UIMC1: variants seen among roughly 807,000 people sequenced by gnomAD.
The protein encoded by UIMC1 is BRCA1-A complex subunit RAP80.
UIMC1 carries 42 observed loss-of-function variants against 84.9 expected under a neutral mutation model. The ratio of observed to expected loss-of-function variants is 0.49; its 90% CI spans 0.39 to 0.64. The LOEUF is 0.64. Ranked by LOEUF, UIMC1 falls within the 30% of genes least tolerant of loss-of-function variation. UIMC1 has a pLI of 0.00. For missense variants in UIMC1, 825 were observed against 847.6 expected (o/e 0.97, Z 0.33); for synonymous variants, 281 against 293.0 (o/e 0.96, Z 0.42).
chr5:177,015,296 T>G (rs1027339401), intron 1 of UIMC1, among the ~76,000 whole-genome samples: 2 of 152,192 alleles, frequency 1.3e-5, no homozygotes, highest in Non-Finnish European at 2.9e-5. Context: ...AACTCATGCA[T>G]GCAGAATGGA....
At chr5:177,021,982 G>A (rs1775868334) in intron 1 of UIMC1, among the ~76,000 whole-genome samples, 1 of 152,000 alleles carries the variant, frequency 6.6e-6, no homozygotes, top group Admixed American at 6.5e-5. Flanking sequence ...AGTGAGATGG[G>A]AAGCTGTTGG....
intron 1 of UIMC1, among the ~76,000 whole-genome samples, chr5:176,991,915 G>C (rs1236203886): frequency 6.6e-6 from 1 of 152,024 alleles, no homozygotes; most frequent in African/African-American, 2.4e-5. Context: ...CTGTGAGACA[G>C]AGCGAGACTC....
intron 2 of UIMC1, chr5:176,980,322 A>G (rs1207135320): frequency 6.6e-6 from 1 of 151,952 alleles, no homozygotes; most frequent in Non-Finnish European, 1.5e-5. Flanking sequence ...CCATCCGTCC[A>G]TCCGTCCATC....
chr5:176,951,865 T>A (rs756045112), intron 8 of UIMC1, among the ~76,000 whole-genome samples: 1 of 152,204 alleles, frequency 6.6e-6, no homozygotes, highest in Non-Finnish European at 1.5e-5. Flanking sequence ...ATATAAAACA[T>A]TTCCAACACC....
intron 3 of UIMC1, among the ~76,000 whole-genome samples, chr5:176,973,893 AAAAG>A (rs1224349326): frequency 1.3e-5 from 2 of 152,078 alleles, no homozygotes; most frequent in African/African-American, 4.8e-5. Flanking sequence ...CCCTGTCTCA[AAAAG>A]AAAGAAAAAA....
Position 176,975,393 on chromosome 5 carries a change from T to A in UIMC1, c.232+3A>T. On this transcript the variant is annotated splice_donor_region_variant and intron_variant, in intron 3 of 14. Coordinates refer to ENST00000511320, the MANE Select transcript of UIMC1 (RefSeq NM_001199298.2). ...AACCATTATCAACAAAATGAAAACA[T>A]ACGTGCGATTTTTCTTTTGGCCAAA... 6.2e-7 allele frequency: 1 copy of A among 1,613,654 alleles called. No homozygotes were observed. Among genetic ancestry groups the A allele is most frequent in the South Asian group, 1.1e-5 (1 of 91,036 alleles).
rs150477320 is a variant in UIMC1, at chr5:177,016,852, G to T, written c.-9+5612C>A. Reference sequence around the variant, plus strand: ...ACCCTGGCCAACATGGTAAAACCCCGTCTCTACTAAAATTACAAAAAATAG... The same window carrying T: ...ACCCTGGCCAACATGGTAAAACCCCTTCTCTACTAAAATTACAAAAAATAG... On this transcript the variant is annotated intron_variant, in intron 1 of 5. Transcript: ENST00000509236. Among the ~76,000 whole-genome samples the T allele has an allele frequency of 1.1e-3, 171 of 151,594 alleles. 3 individuals are homozygous for T. The highest frequency in any genetic ancestry group is 1.2e-4 in the Non-Finnish European group (8 of 67,916).
In UIMC1 at chr5:176,996,949, G is replaced by A. The variant is rs1414763951; in HGVS notation, c.-9+9701C>T. Reference sequence around the variant, plus strand: ...TCAAAATATCCCAGAATGGTCAGAGGCTGTTGAAATGCACAGCAGAGACCA... The same window carrying A: ...TCAAAATATCCCAGAATGGTCAGAGACTGTTGAAATGCACAGCAGAGACCA... On this transcript the variant is annotated intron_variant, in intron 1 of 14. Coordinates refer to ENST00000511320, the MANE Select transcript of UIMC1 (RefSeq NM_001199298.2). Among the ~76,000 whole-genome samples the A allele has an allele frequency of 6.6e-5, 10 of 152,180 alleles. No homozygotes were observed. The East Asian group carries it at 1.9e-3, about 29-fold the overall frequency.
chr5:176,957,940 T>TA (rs530218529), intron 7 of UIMC1, among the ~76,000 whole-genome samples, 153 bp downstream of exon 7: 2 of 152,324 alleles, frequency 1.3e-5, no homozygotes, highest in African/African-American at 2.4e-5. Flanking sequence ...TCTGAGAACT[T>TA]AGAGATACTA....
intron 1 of UIMC1, among the ~76,000 whole-genome samples, chr5:177,021,625 C>T (rs1775828771): frequency 6.6e-6 from 1 of 150,666 alleles, no homozygotes; most frequent in Admixed American, 6.6e-5. Flanking sequence ...TCAGATTGTA[C>T]AGGGCCTTGT....
chr5:176,948,407 C>T (rs1175448471), intron 9 of UIMC1, among the ~76,000 whole-genome samples: 1 of 152,184 alleles, frequency 6.6e-6, no homozygotes, highest in Non-Finnish European at 1.5e-5. Context: ...ATCTCTACCA[C>T]GTTTTATATT....
In UIMC1 at chr5:177,021,321, C is replaced by T. The variant is rs148159467; in HGVS notation, c.-9+1143G>A. 5.4e-3 allele frequency among the ~76,000 whole-genome samples: 817 copies of T among 152,182 alleles called. 11 individuals carry two copies. Among genetic ancestry groups the T allele is most frequent in the African/African-American group, 0.019 (783 of 41,538 alleles). On this transcript the variant is annotated intron_variant, in intron 1 of 5. Coordinates refer to the UIMC1 transcript ENST00000509236. ...AAAGAAAAGAAAAGAGACAAAAATCCCTGCCTTCCTGGGGCTTGCCTTCTA... is the reference window on the plus strand; with the variant it reads ...AAAGAAAAGAAAAGAGACAAAAATCTCTGCCTTCCTGGGGCTTGCCTTCTA...
intron 1 of UIMC1, among the ~76,000 whole-genome samples, chr5:176,983,623 T>C (rs1041578292): frequency 6.6e-6 from 1 of 152,170 alleles, no homozygotes; most frequent in Non-Finnish European, 1.5e-5. Context: ...CCTCCCAAAG[T>C]GCTAAGATTA....
intron 6 of UIMC1, among the ~76,000 whole-genome samples, chr5:176,965,246 C>T (rs978770848): frequency 1.3e-5 from 2 of 151,998 alleles, no homozygotes; most frequent in Non-Finnish European, 2.9e-5. Context: ...ACGGTGAAAA[C>T]CCTTCTCTAT....
At chr5:176,932,336 T>C (rs913863435) in intron 10 of UIMC1, among the ~76,000 whole-genome samples, 3 of 152,218 alleles carry the variant, frequency 2.0e-5, no homozygotes, top group Non-Finnish European at 4.4e-5. Context: ...GTTTCCTCTG[T>C]CAAAAAATAT....
At chr5:176,947,517 ATAT>A (rs1036389466) in intron 9 of UIMC1, among the ~76,000 whole-genome samples, 3 of 152,146 alleles carry the variant, frequency 2.0e-5, no homozygotes, top group African/African-American at 7.2e-5. Context: ...TTCTTTTAAA[ATAT>A]TATACAACTA....
At chr5:177,016,299 G>A (rs1391516759) in intron 1 of UIMC1, among the ~76,000 whole-genome samples, 1 of 152,048 alleles carries the variant, frequency 6.6e-6, no homozygotes. Flanking sequence ...GGGAGGCAGA[G>A]GTTGCAGTGA....
chr5:176,954,620 C>T (rs1402312252), intron 8 of UIMC1, among the ~76,000 whole-genome samples: 1 of 151,226 alleles, frequency 6.6e-6, no homozygotes, highest in Non-Finnish European at 1.5e-5. Flanking sequence ...GGTGTGGTGG[C>T]ACATGCCTGT....
intron 1 of UIMC1, chr5:177,001,270 T>C (rs1454477963): frequency 6.6e-6 from 1 of 152,218 alleles, no homozygotes. Flanking sequence ...GAGACTGTCT[T>C]TTCCCCAGTG....
Sources: allele counts gnomAD v4.1 joint callset (sites outside exome capture counted in the v4.1 genomes callset), GRCh38; gene constraint gnomAD v4.1.1; transcripts MANE v1.5; gene names NCBI Gene and HGNC (gene_info 2026-07-23, HGNC 2026-07-21).